The following STK24 variants were observed in gnomAD, a reference collection of about 807,000 sequenced individuals.
STK24 encodes the protein serine/threonine kinase 24.
A neutral mutation model predicts 55.6 loss-of-function variants in STK24; 21 were observed. The ratio of observed to expected loss-of-function variants is 0.38; its 90% CI spans 0.27 to 0.54. STK24 has a LOEUF of 0.54. STK24 is among the 20% of genes least tolerant of loss of function. STK24 has a pLI of 0.79. For missense variants in STK24, 383 were observed against 538.4 expected (o/e 0.71, Z 2.86); for synonymous variants, 200 against 215.2 (o/e 0.93, Z 0.62).
At position 98,448,216 on chromosome 13, in the gene STK24, C is replaced by T. The variant is rs114282870; in HGVS notation, c.*4957G>A. ...TCCGTCCAAACAAAAGGTTGACTAACTGGCGTTCCCGTGTTGCAGGTGGAT... is the reference window on the plus strand; with the variant it reads ...TCCGTCCAAACAAAAGGTTGACTAATTGGCGTTCCCGTGTTGCAGGTGGAT... On this transcript the variant is annotated 3_prime_UTR_variant, in exon 11 of 11. Coordinates refer to ENST00000539966, the MANE Select transcript of STK24 (RefSeq NM_001032296.4). 2,505 of 1,607,366 alleles carry T rather than the reference C, an allele frequency of 1.6e-3. 41 individuals are homozygous for T. In the African/African-American group the frequency reaches 0.03, roughly 19 times the overall value.
chr13:98,567,943 A>AG (rs35252293), intron 1 of STK24, among the ~76,000 whole-genome samples: 5,345 of 100,742 alleles, frequency 0.053, 121 homozygotes, highest in East Asian at 0.089. Flanking sequence ...AAAAAAAAAA[A>AG]GGGGGGGGGT....
chr13:98,525,083 G>A (rs1193206890), intron 1 of STK24, among the ~76,000 whole-genome samples: 4 of 152,238 alleles, frequency 2.6e-5, no homozygotes, highest in Non-Finnish European at 4.4e-5. Context: ...TTCTTGCACG[G>A]GTTCATTACC....
intron 3 of STK24, among the ~76,000 whole-genome samples, chr13:98,478,386 A>T (rs1386305221): frequency 6.6e-6 from 1 of 152,248 alleles, no homozygotes; most frequent in Admixed American, 6.5e-5. Context: ...GCCTGTGGTC[A>T]GGTGACTAAG....
At position 98,448,397 on chromosome 13, in the gene STK24, A is replaced by AATT; in HGVS notation, c.*4773_*4775dup. 1 of 1,118,228 alleles carries AATT rather than the reference A, an allele frequency of 8.9e-7. No homozygotes were observed. The highest frequency in any genetic ancestry group is 1.4e-6 in the Non-Finnish European group (1 of 733,978). 69.3% of individuals were successfully genotyped at this position (1,118,228 alleles called of 1,614,324 possible). A position where few individuals can be genotyped will look rare whatever the true frequency, so the allele number is the denominator to read the frequency against. ...CTTCTGTATTAATGAAGCCTGGTAA[A>AATT]ATTAACACCTGTCTGAAAATCAAAA... On this transcript the variant is annotated 3_prime_UTR_variant, in exon 11 of 11. Coordinates refer to ENST00000539966, the MANE Select transcript of STK24 (RefSeq NM_001032296.4).
intron 2 of STK24, among the ~76,000 whole-genome samples, chr13:98,513,804 A>G (rs1161105436): frequency 6.6e-6 from 1 of 152,236 alleles, no homozygotes; most frequent in African/African-American, 2.4e-5. Flanking sequence ...TGAGAAAGAC[A>G]CTGTGTGCTT....
intron 2 of STK24, among the ~76,000 whole-genome samples, chr13:98,499,018 G>A (rs558937700): frequency 2.0e-5 from 3 of 152,136 alleles, no homozygotes; most frequent in South Asian, 2.1e-4. Flanking sequence ...AGGCTGAAGC[G>A]GGTGGATCAC....
chr13:98,530,447 T>TA (rs1473744294), intron 1 of STK24, among the ~76,000 whole-genome samples: 2 of 152,090 alleles, frequency 1.3e-5, no homozygotes, highest in Non-Finnish European at 2.9e-5. Flanking sequence ...AATGACACCA[T>TA]AAGCAAAGCT....
intron 2 of STK24, among the ~76,000 whole-genome samples, chr13:98,489,950 T>G (rs1220083150): frequency 6.6e-6 from 1 of 151,638 alleles, no homozygotes; most frequent in Non-Finnish European, 1.5e-5. Context: ...AATGAGAAAA[T>G]CAAAGCAGAA....
chr13:98,576,016 G>T, intron 1 of STK24: 2 of 985,172 alleles, frequency 2.0e-6, no homozygotes, highest in Non-Finnish European at 2.4e-6. Flanking sequence ...TTTACTGGGC[G>T]AAGAATTCCT....
At position 98,445,884 on chromosome 13, in the gene STK24, C is replaced by G; in HGVS notation, c.*7289G>C. On this transcript the variant is annotated 3_prime_UTR_variant, in exon 11 of 11. Transcript: ENST00000539966. ...GTCTTTTGGGGGGACACAGGGACCC[C>G]AAGATGCCCCACAGCAAGTGACAAG... is the stretch of plus-strand genomic sequence containing the variant. 1 of 518,496 alleles carries G rather than the reference C, an allele frequency of 1.9e-6. No homozygotes were observed. The highest frequency in any genetic ancestry group is 3.5e-6 in the Non-Finnish European group (1 of 289,452). The allele number at this position is 518,496 out of a possible 1,614,324, so 32.1% of individuals were successfully genotyped here.
rs1039103540 is a variant in STK24, at chr13:98,450,177, A to C, written c.*2996T>G. The stretch of plus-strand genomic sequence containing the variant: ...GAGTGGAGTTTGAGACACACTACAC[A>C]TGAGACACACAATGATGCAGATACT... On this transcript the variant is annotated 3_prime_UTR_variant, in exon 11 of 11. Transcript: ENST00000539966. The C allele has an allele frequency of 2.0e-5, 3 of 152,150 alleles. No homozygotes were observed. The highest frequency in any genetic ancestry group is 7.2e-5 in the African/African-American group (3 of 41,426). The allele number at this position is 152,150 out of a possible 1,614,324, so 9.4% of individuals were successfully genotyped here. A position where few individuals can be genotyped will look rare whatever the true frequency, so the allele number is the denominator to read the frequency against.
chr13:98,552,277 C>T (rs924890137), intron 1 of STK24, among the ~76,000 whole-genome samples: 19 of 152,172 alleles, frequency 1.2e-4, no homozygotes, highest in African/African-American at 4.1e-4. Context: ...CAACGACCAC[C>T]CACAGGAACA....
chr13:98,455,591 A>C (rs763077355), intron 10 of STK24: 4 of 152,298 alleles, frequency 2.6e-5, no homozygotes, highest in Non-Finnish European at 4.4e-5. Flanking sequence ...ACTGGCCAGC[A>C]CTGGTACAGA....
At chr13:98,568,492 T>C (rs1452562878) in intron 1 of STK24, among the ~76,000 whole-genome samples, 1 of 151,964 alleles carries the variant, frequency 6.6e-6, no homozygotes, top group East Asian at 1.9e-4. Flanking sequence ...AAATATATTA[T>C]CTGCAAAGGA....
At chr13:98,506,817 G>C (rs556887502) in intron 2 of STK24, among the ~76,000 whole-genome samples, 2 of 152,246 alleles carry the variant, frequency 1.3e-5, no homozygotes, top group African/African-American at 2.4e-5. Flanking sequence ...TACGGTGGCC[G>C]TGAGTAAGAA....
At chr13:98,524,921 G>A (rs1341883036) in intron 1 of STK24, among the ~76,000 whole-genome samples, 4 of 152,216 alleles carry the variant, frequency 2.6e-5, no homozygotes, top group African/African-American at 7.2e-5. Context: ...GCTCAAGCAC[G>A]GCGACTTTCA....
chr13:98,572,717 C>G lies in STK24; in HGVS notation c.42+4028G>C, dbSNP rs9556977. 1.1e-4 allele frequency among the ~76,000 whole-genome samples: 16 copies of G among 152,304 alleles called. No homozygotes were observed. The East Asian group carries it at 3.1e-3, about 29-fold the overall frequency. On this transcript the variant is annotated intron_variant, in intron 1 of 10. Coordinates refer to ENST00000539966, the MANE Select transcript of STK24 (RefSeq NM_001032296.4). ...AACGAGGGGGACAGGATGATGTTAACAAGACAAACTTCAGGTTTTTAAGCT... is the reference window on the plus strand; with the variant it reads ...AACGAGGGGGACAGGATGATGTTAAGAAGACAAACTTCAGGTTTTTAAGCT...
intron 2 of STK24, among the ~76,000 whole-genome samples, chr13:98,505,832 G>A (rs767813480): frequency 8.6e-5 from 13 of 151,970 alleles, no homozygotes; most frequent in Admixed American, 3.3e-4. Flanking sequence ...TGCTTTTCCC[G>A]GGACAAAGAA....
chr13:98,523,790 C>T (rs1402542961), intron 1 of STK24, among the ~76,000 whole-genome samples: 1 of 152,238 alleles, frequency 6.6e-6, no homozygotes, highest in African/African-American at 2.4e-5. Context: ...GTTTTGGCCA[C>T]TCGGTTTTGG....
Sources: gnomAD v4.1 joint callset for allele counts (sites outside exome capture counted in the v4.1 genomes callset) on GRCh38, gnomAD v4.1.1 for gene constraint, MANE v1.5 for transcripts, NCBI Gene and HGNC (gene_info 2026-07-23, HGNC 2026-07-21) for gene names.